SENP6: variants seen among roughly 807,000 people sequenced by gnomAD.
SENP6 encodes the protein SUMO specific peptidase 6.
SENP6 carries 41 observed loss-of-function variants against 134.5 expected under a neutral mutation model. The ratio of observed to expected loss-of-function variants is 0.30; its 90% CI spans 0.24 to 0.40. The LOEUF (loss-of-function observed/expected upper bound fraction) is 0.40, where lower values mean the gene tolerates loss of function less well. Ranked by LOEUF, SENP6 falls within the 10% of genes least tolerant of loss-of-function variation. The pLI is 1.00. For missense variants in SENP6, 1,248 were observed against 1,312.5 expected (o/e 0.95, Z 0.76); for synonymous variants, 395 against 429.8 (o/e 0.92, Z 1.00).
chr6:75,628,466 A>G (rs1768866103), intron 3 of SENP6, among the ~76,000 whole-genome samples: 2 of 152,132 alleles, frequency 1.3e-5, no homozygotes, highest in Admixed American at 1.3e-4. Flanking sequence ...AATATTGGAA[A>G]TTTATCTTTT....
Position 75,633,684 on chromosome 6 carries a change from A to C in SENP6, c.311A>C (p.Asn104Thr), listed in dbSNP as rs1401923788. 15 of 1,611,964 alleles carry C rather than the reference A, an allele frequency of 9.3e-6. No homozygotes were observed. Among genetic ancestry groups the C allele is most frequent in the African/African-American group, 1.3e-5 (1 of 74,772 alleles). Residue 104 changes from asparagine to threonine, a missense_variant, in exon 4 of 24, where the codon AAC becomes ACC. By Grantham distance (65) the Asn-to-Thr change is moderately conservative. This residue lies in a region of SENP6 where 733 missense variants were observed against 725.4 expected (regional missense o/e 1.01). Transcript: ENST00000447266. The stretch of plus-strand genomic sequence containing the variant: ...GAAAGTTTTAAAACTTTGAAAGGCA[A>C]CCCAATTGGACTTAACATGTTGAGC... The part of the protein sequence containing the change: ...KSESFKTLKG[N>T]PIGLNMLSNN...
At chr6:75,626,718 T>A (rs1768724858) in intron 3 of SENP6, among the ~76,000 whole-genome samples, 1 of 152,170 alleles carries the variant, frequency 6.6e-6, no homozygotes, top group Non-Finnish European at 1.5e-5. Context: ...ACTGCCAAAT[T>A]CCCTATCTAA....
At position 75,663,128 on chromosome 6, in the gene SENP6, C is replaced by G. The variant is rs560669539; in HGVS notation, c.697-93C>G. The G allele has an allele frequency of 1.4e-4, 164 of 1,195,114 alleles. No individual in the cohort carries two copies. The East Asian group carries it at 3.5e-3, about 26-fold the overall frequency. 74.0% of individuals were successfully genotyped at this position (1,195,114 alleles called of 1,614,324 possible). A position where few individuals can be genotyped will look rare whatever the true frequency, so the allele number is the denominator to read the frequency against. On this transcript the variant is annotated intron_variant, in intron 8 of 23. Coordinates refer to ENST00000447266, the MANE Select transcript of SENP6 (RefSeq NM_015571.4). The stretch of plus-strand genomic sequence containing the variant: ...TTTTATTTCTTTTGTTCTTTTGGAA[C>G]TTAAAGTTTATGAACACCGTGAATG...
chr6:75,639,757 G>A (rs1769884995), intron 5 of SENP6, among the ~76,000 whole-genome samples: 2 of 151,986 alleles, frequency 1.3e-5, no homozygotes, highest in South Asian at 4.1e-4. Context: ...TAAATTATAG[G>A]CTTTTCCTTG....
chr6:75,671,521 A>G (rs1474006631), intron 11 of SENP6, among the ~76,000 whole-genome samples: 1 of 152,218 alleles, frequency 6.6e-6, no homozygotes, highest in East Asian at 1.9e-4. Context: ...CAGGAGTTTG[A>G]GACCAGCCTG....
At chr6:75,617,610 G>T (rs1317749797) in intron 1 of SENP6, among the ~76,000 whole-genome samples, 1 of 151,978 alleles carries the variant, frequency 6.6e-6, no homozygotes, top group African/African-American at 2.4e-5. Context: ...CTTTTACTCC[G>T]CCTCCACTAA....
chr6:75,711,776 G>A (rs532724223), intron 21 of SENP6, among the ~76,000 whole-genome samples: 8 of 152,318 alleles, frequency 5.3e-5, no homozygotes, highest in South Asian at 2.1e-4. Flanking sequence ...AGGTTCAAGC[G>A]ATTCTCATGC....
At chr6:75,676,318 C>G (rs1305141587) in intron 13 of SENP6, among the ~76,000 whole-genome samples, 2 of 152,132 alleles carry the variant, frequency 1.3e-5, no homozygotes, top group Admixed American at 6.5e-5. Flanking sequence ...AAGATCTGCA[C>G]TCTTAACTAA....
intron 9 of SENP6, among the ~76,000 whole-genome samples, chr6:75,666,263 A>G (rs1360313600): frequency 6.8e-6 from 1 of 147,358 alleles, no homozygotes; most frequent in Non-Finnish European, 1.5e-5. Flanking sequence ...TACGATATAT[A>G]TAAAATATAT....
chr6:75,609,774 T>C (rs1238582669), intron 1 of SENP6, among the ~76,000 whole-genome samples: 2 of 152,188 alleles, frequency 1.3e-5, no homozygotes, highest in Non-Finnish European at 2.9e-5. Context: ...GTTTTGTTTT[T>C]GTTTTTGTTT....
chr6:75,687,675 C>A (rs901801757), intron 16 of SENP6, among the ~76,000 whole-genome samples: 5 of 152,194 alleles, frequency 3.3e-5, no homozygotes, highest in Admixed American at 6.5e-5. Flanking sequence ...TCAGGTCCCT[C>A]AGCTGTAGGT....
At chr6:75,642,180 G>A (rs933572538) in intron 6 of SENP6, among the ~76,000 whole-genome samples, 1 of 152,220 alleles carries the variant, frequency 6.6e-6, no homozygotes, top group Non-Finnish European at 1.5e-5. Flanking sequence ...CGAACCTGCT[G>A]TTACAGGATA....
chr6:75,711,676 A>C (rs938670160), intron 21 of SENP6, among the ~76,000 whole-genome samples: 1 of 151,992 alleles, frequency 6.6e-6, no homozygotes, highest in South Asian at 2.1e-4. Flanking sequence ...TAAATTTTTT[A>C]TGTGTATATT....
intron 3 of SENP6, 49 bp downstream of exon 3, chr6:75,624,009 A>T (rs374944444): frequency 1.4e-6 from 2 of 1,420,434 alleles, no homozygotes; most frequent in Admixed American, 1.9e-5. Context: ...ATACAAAAAA[A>T]TTGTTACCTC....
At chr6:75,658,121 A>T (rs1266222639) in intron 7 of SENP6, among the ~76,000 whole-genome samples, 2 of 152,116 alleles carry the variant, frequency 1.3e-5, no homozygotes, top group Non-Finnish European at 2.9e-5. Context: ...TTTGGAGAAG[A>T]CAGAGTGAAC....
chr6:75,678,916 C>T lies in SENP6; in HGVS notation c.2064C>T (p.Asp688=), dbSNP rs750387525. 3.5e-6 allele frequency: 5 copies of T among 1,443,396 alleles called. No individual in the cohort carries two copies. In the African/African-American group the frequency reaches 5.6e-5, roughly 16 times the overall value. The allele number at this position is 1,443,396 out of a possible 1,614,324, so 89.4% of individuals were successfully genotyped here. The change falls in exon 16 of 24, where the codon GAC becomes GAT. Residue 688 remains aspartate, a synonymous_variant. Coordinates refer to ENST00000447266, the MANE Select transcript of SENP6 (RefSeq NM_015571.4). ...EGEFLNDVII[D]FYLKYLVLEK... ...AATTTTTAAATGATGTTATTATAGACTTTTATTTGAAGTAAGTTAATTTTC... is the reference window on the plus strand; with the variant it reads ...AATTTTTAAATGATGTTATTATAGATTTTTATTTGAAGTAAGTTAATTTTC...
At chr6:75,711,448 A>C (rs1302686824) in intron 21 of SENP6, 32 bp downstream of exon 21, 1 of 1,413,620 alleles carries the variant, frequency 7.1e-7, no homozygotes, top group Non-Finnish European at 9.8e-7. Flanking sequence ...TGAAAACTAC[A>C]TAATTTTTAA....
intron 10 of SENP6, among the ~76,000 whole-genome samples, chr6:75,668,896 C>T (rs1394461438): frequency 5.3e-5 from 8 of 152,118 alleles, no homozygotes; most frequent in Admixed American, 5.2e-4. Flanking sequence ...AGGGTGTGGA[C>T]CATTCATATT....
At chr6:75,686,675 C>T (rs920537415) in intron 16 of SENP6, among the ~76,000 whole-genome samples, 4 of 152,128 alleles carry the variant, frequency 2.6e-5, no homozygotes, top group East Asian at 1.9e-4. Context: ...TGGCTAGATA[C>T]GAAATTCTGG....
Sources: gnomAD v4.1 joint callset for allele counts (sites outside exome capture counted in the v4.1 genomes callset) on GRCh38, gnomAD v4.1.1 for gene constraint, gnomAD v4.1.1 regional missense constraint, MANE v1.5 for transcripts, NCBI Gene and HGNC (gene_info 2026-07-23, HGNC 2026-07-21) for gene names.